CD163L1: variants seen among roughly 807,000 people sequenced by gnomAD.
The protein encoded by CD163L1 is CD163 molecule like 1.
A neutral mutation model predicts 165.4 loss-of-function variants in CD163L1; 124 were observed. The observed-to-expected ratio is 0.75, with a 90% CI of 0.65 to 0.87. The LOEUF (loss-of-function observed/expected upper bound fraction) is 0.87. Among genes scored for constraint, CD163L1 ranks in the 40% least tolerant of loss-of-function variants. The pLI is 0.00. For synonymous variants in CD163L1, 585 were observed against 662.2 expected (o/e 0.88, Z 1.79); for missense variants, 1,525 against 1,799.9 (o/e 0.85, Z 2.76).
intron 4 of CD163L1, among the ~76,000 whole-genome samples, chr12:7,409,362 C>T (rs116487521): frequency 6.6e-6 from 1 of 151,990 alleles, no homozygotes; most frequent in African/African-American, 2.4e-5. Flanking sequence ...TTTTTGGCAC[C>T]GAAGACTGCT....
intron 4 of CD163L1, among the ~76,000 whole-genome samples, chr12:7,428,413 A>G (rs186603238): frequency 5.0e-4 from 76 of 152,190 alleles, no homozygotes; most frequent in African/African-American, 1.8e-3. Flanking sequence ...TATGTAACAC[A>G]TACTTTTTTC....
intron 5 of CD163L1, 145 bp from the exon 6 acceptor site, chr12:7,404,000 G>T: frequency 1.1e-5 from 6 of 532,606 alleles, no homozygotes; most frequent in Admixed American, 7.6e-5. Flanking sequence ...AAATCATTTT[G>T]TTTTAAAATT....
intron 8 of CD163L1, among the ~76,000 whole-genome samples, chr12:7,391,779 C>G (rs1462990351): frequency 6.6e-6 from 1 of 152,150 alleles, no homozygotes; most frequent in Non-Finnish European, 1.5e-5. Flanking sequence ...TAATCCTAGT[C>G]TCTGATAAAA....
chr12:7,374,914 G>C lies in CD163L1; in HGVS notation c.3011C>G (p.Thr1004Ser). ...TVSVICTGSL[T>S]QPLFPCLANV... ...TGCGAGGCATGGAAACAGTGGCTGG[G>C]TCAGGCTTCCTGGTGGAGGGTGCAG... is the stretch of plus-strand genomic sequence containing the variant. Residue 1004 changes from threonine (T) to serine (S), a missense_variant, in exon 12 of 20, where the codon ACC becomes AGC. Physicochemically the swap from Thr to Ser is moderately conservative, Grantham distance 58. Coordinates refer to ENST00000313599, the MANE Select transcript of CD163L1 (RefSeq NM_174941.6). The surrounding 1 kb of genome is among the most constrained non-coding windows in gnomAD (Gnocchi z 5.4). 1.1e-5 allele frequency: 17 copies of C among 1,614,182 alleles called. No homozygotes were observed. Among genetic ancestry groups the C allele is most frequent in the Non-Finnish European group, 1.4e-5 (17 of 1,180,018 alleles).
intron 8 of CD163L1, among the ~76,000 whole-genome samples, chr12:7,383,219 C>G: frequency 6.6e-6 from 1 of 152,184 alleles, no homozygotes; most frequent in East Asian, 1.9e-4. Context: ...TCACCATAGT[C>G]TGTCCCTGTG....
At chr12:7,385,171 A>G (rs778682883) in intron 8 of CD163L1, among the ~76,000 whole-genome samples, 2 of 151,986 alleles carry the variant, frequency 1.3e-5, no homozygotes, top group Non-Finnish European at 2.9e-5. Flanking sequence ...TATTCCATGT[A>G]AATGAAAACC....
intron 9 of CD163L1, among the ~76,000 whole-genome samples, chr12:7,378,045 T>C (rs953704859): frequency 2.6e-5 from 4 of 152,154 alleles, no homozygotes; most frequent in Non-Finnish European, 5.9e-5. Context: ...ATTTCACACA[T>C]ACAAAATTGG....
At position 7,407,924 on chromosome 12, in the gene CD163L1, C is replaced by CT. The variant is rs576505249; in HGVS notation, c.767-1073dup. Among the ~76,000 whole-genome samples the CT allele has an allele frequency of 1.1e-4, 17 of 152,054 alleles. No individual in the cohort carries two copies. The East Asian group carries it at 1.7e-3, about 16-fold the overall frequency. ...CAGATGCTCAAGTCCCTTAGTTGGC[C>CT]TTCTAATCTGCTGGTTTCACACCCA... On this transcript the variant is annotated intron_variant, in intron 4 of 19. Transcript: ENST00000313599.
chr12:7,399,796 G>C (rs2136512503), intron 6 of CD163L1, among the ~76,000 whole-genome samples: 1 of 151,988 alleles, frequency 6.6e-6, no homozygotes, highest in Middle Eastern at 3.4e-3. Context: ...GTATAGACAG[G>C]GTTTCACCAT....
chr12:7,345,534 T>C (rs967941044), downstream of CD163L1, among the ~76,000 whole-genome samples: 1 of 152,226 alleles, frequency 6.6e-6, no homozygotes, highest in African/African-American at 2.4e-5. Context: ...CTCTAAGAAG[T>C]TGCAAACTTT....
chr12:7,332,506 G>C, the CD163L1 span, among the ~76,000 whole-genome samples: 3 of 142,910 alleles, frequency 2.1e-5, no homozygotes. Context: ...TTGAAATGAG[G>C]GAAAAAATGT....
chr12:7,378,826 A>G, intron 9 of CD163L1, 152 bp downstream of exon 9: 1 of 481,288 alleles, frequency 2.1e-6, no homozygotes, highest in Admixed American at 3.7e-5. Context: ...TTTTTATTAT[A>G]TACCTGTCTT....
At chr12:7,342,871 A>T (rs988953912), downstream of CD163L1, among the ~76,000 whole-genome samples, 1 of 152,238 alleles carries the variant, frequency 6.6e-6, no homozygotes, top group Non-Finnish European at 1.5e-5. Context: ...ATTTAGTGTC[A>T]AATGAAAGTA....
chr12:7,362,511 AAT>A (rs1946921930), intron 18 of CD163L1, among the ~76,000 whole-genome samples: 1 of 141,842 alleles, frequency 7.1e-6, no homozygotes, highest in African/African-American at 2.6e-5. Flanking sequence ...ATATTAAATT[AAT>A]AGTTATTACA....
chr12:7,326,694 T>A, the CD163L1 span, among the ~76,000 whole-genome samples: 1 of 152,176 alleles, frequency 6.6e-6, no homozygotes, highest in South Asian at 2.1e-4. Context: ...ATAAATAGGA[T>A]CAGTCTGATT....
chr12:7,435,662 T>G (rs1302459175), intron 2 of CD163L1, among the ~76,000 whole-genome samples: 1 of 152,042 alleles, frequency 6.6e-6, no homozygotes, highest in Non-Finnish European at 1.5e-5. Flanking sequence ...CTGGTAAAGT[T>G]GAAAACATGC....
At position 7,418,495 on chromosome 12, in the gene CD163L1, C is replaced by A. The variant is rs1013339847; in HGVS notation, c.767-11643G>T. 2.6e-5 allele frequency among the ~76,000 whole-genome samples: 4 copies of A among 151,914 alleles called. No homozygotes were observed. In the East Asian group the frequency reaches 7.7e-4, roughly 29 times the overall value. On this transcript the variant is annotated intron_variant, in intron 4 of 19. Transcript: ENST00000313599. ...AAGGAACTAGAGAAACAATAACAAA[C>A]CAAACCCAAATCCTGCAGAAGAAAA...
chr12:7,442,380 A>G (rs2136658335), intron 1 of CD163L1, among the ~76,000 whole-genome samples: 1 of 152,348 alleles, frequency 6.6e-6, no homozygotes, highest in East Asian at 1.9e-4. Context: ...AGAAGGCGCA[A>G]CCTGCTTTGG....
chr12:7,324,329 CAG>C, the CD163L1 span: 1 of 1,613,906 alleles, frequency 6.2e-7, no homozygotes, highest in Non-Finnish European at 8.5e-7. Flanking sequence ...TCACTGGAGA[CAG>C]AGGAGTGATG....
Sources: gnomAD v4.1 joint callset for allele counts (sites outside exome capture counted in the v4.1 genomes callset) on GRCh38, gnomAD v4.1.1 for gene constraint, Gnocchi (gnomAD v3.1) non-coding constraint, MANE v1.5 for transcripts, NCBI Gene and HGNC (gene_info 2026-07-23, HGNC 2026-07-21) for gene names.